VTA1: variants seen among roughly 807,000 people sequenced by gnomAD.
VTA1 encodes vacuolar protein sorting-associated protein VTA1 homolog.
In VTA1, 24 loss-of-function variants were observed where a neutral mutation model predicts 36.9. The observed-to-expected ratio is 0.65, with a 90% CI of 0.47 to 0.91. The LOEUF is 0.91. VTA1 is among the 40% of genes least tolerant of loss of function. The pLI, the probability that VTA1 is intolerant of heterozygous loss-of-function variation, is 0.00. For synonymous variants in VTA1, 142 were observed against 130.2 expected (o/e 1.09, Z -0.62); for missense variants, 393 against 377.2 (o/e 1.04, Z -0.35).
intron 7 of VTA1, among the ~76,000 whole-genome samples, chr6:142,214,652 C>T (rs1378625904): frequency 6.6e-6 from 1 of 152,190 alleles, no homozygotes; most frequent in Admixed American, 6.5e-5. Context: ...TCATGGAATG[C>T]ACAACGTCAA....
intron 7 of VTA1, among the ~76,000 whole-genome samples, chr6:142,214,606 A>C (rs941133934): frequency 6.6e-6 from 1 of 152,222 alleles, no homozygotes; most frequent in African/African-American, 2.4e-5. Context: ...ATCACACTGT[A>C]ACAATAGATA....
At chr6:142,162,102 A>G (rs1445869485) in intron 1 of VTA1, among the ~76,000 whole-genome samples, 3 of 152,220 alleles carry the variant, frequency 2.0e-5, no homozygotes, top group Non-Finnish European at 4.4e-5. Flanking sequence ...ACTATATTAT[A>G]ATTACACTGT....
At chr6:142,208,085 C>CAAAAA (rs567010868) in intron 7 of VTA1, among the ~76,000 whole-genome samples, 1 of 99,486 alleles carries the variant, frequency 1.0e-5, no homozygotes, top group African/African-American at 4.1e-5. Context: ...AGACTTCCAT[C>CAAAAA]AAAAAAAAAA....
intron 7 of VTA1, among the ~76,000 whole-genome samples, chr6:142,204,678 T>A (rs5018302): frequency 3.1e-3 from 30 of 9,712 alleles, no homozygotes; most frequent in South Asian, 0.016. Flanking sequence ...ATTTAAATTT[T>A]AATCCTTTTA....
chr6:142,189,432 A>C lies in VTA1; in HGVS notation c.418A>C (p.Lys140Gln). The C allele has an allele frequency of 6.2e-7, 1 of 1,613,314 alleles. No individual in the cohort carries two copies. Among genetic ancestry groups the C allele is most frequent in the Non-Finnish European group, 8.5e-7 (1 of 1,179,526 alleles). ...TAAAAATGCTCTCTTTTAGAATGTG[A>C]AACACAGGAAGTATGCCAGATGGAA... is the stretch of plus-strand genomic sequence containing the variant. ...VFGELTDENVKHRKYARWKAT... is the reference protein window; with the variant it reads ...VFGELTDENVQHRKYARWKAT... The change falls in exon 5 of 8, where the codon AAA becomes CAA. Residue 140 changes from lysine to glutamine, a missense_variant. Physicochemically the swap from Lys to Gln is moderately conservative, Grantham distance 53. Transcript: ENST00000367630.
chr6:142,151,198 A>G (rs2114626647), intron 1 of VTA1, among the ~76,000 whole-genome samples: 2 of 152,272 alleles, frequency 1.3e-5, no homozygotes, highest in Admixed American at 1.3e-4. Context: ...GAGCAAGATG[A>G]TGTGAGGAAG....
intron 7 of VTA1, among the ~76,000 whole-genome samples, chr6:142,216,662 G>A (rs776504309): frequency 6.6e-6 from 1 of 151,960 alleles, no homozygotes; most frequent in African/African-American, 2.4e-5. Flanking sequence ...TACAGTATTT[G>A]TGTTTTAAAA....
intron 6 of VTA1, among the ~76,000 whole-genome samples, chr6:142,201,461 C>T (rs889762931): frequency 2.6e-5 from 4 of 151,818 alleles, no homozygotes; most frequent in South Asian, 2.1e-4. Context: ...TTTAAACAGG[C>T]GAAGTGTTTG....
rs887403524 is a variant in VTA1, at chr6:142,224,560, T to A, written c.*5917T>A. 1.3e-5 allele frequency: 2 copies of A among 152,198 alleles called. No homozygotes were observed. The highest frequency in any genetic ancestry group is 4.8e-5 in the African/African-American group (2 of 41,452). 9.4% of individuals were successfully genotyped at this position (152,198 alleles called of 1,614,324 possible). A position where few individuals can be genotyped will look rare whatever the true frequency, so the allele number is the denominator to read the frequency against. On this transcript the variant is annotated 3_prime_UTR_variant, in exon 8 of 8. Coordinates refer to ENST00000367630, the MANE Select transcript of VTA1 (RefSeq NM_016485.5). ...GCTAAGTTCCTTGATATTTTATACA[T>A]TTGTGAATTCCTGGTAATTCACATG...
chr6:142,183,282 G>A (rs1241124099), intron 4 of VTA1, among the ~76,000 whole-genome samples: 1 of 152,168 alleles, frequency 6.6e-6, no homozygotes, highest in Non-Finnish European at 1.5e-5. Context: ...ATTAGAGACA[G>A]CTGGTGTAAA....
At chr6:142,189,694 T>C (rs1354104637) in intron 5 of VTA1, among the ~76,000 whole-genome samples, 160 bp downstream of exon 5, 3 of 151,318 alleles carry the variant, frequency 2.0e-5, no homozygotes, top group Admixed American at 2.0e-4. Context: ...CAGTGAGAAA[T>C]AGAAATAAAG....
At chr6:142,188,971 G>C (rs1363157096) in intron 4 of VTA1, among the ~76,000 whole-genome samples, 1 of 152,092 alleles carries the variant, frequency 6.6e-6, no homozygotes, top group Non-Finnish European at 1.5e-5. Flanking sequence ...TATCAGTCTA[G>C]CATTTGCTTT....
At chr6:142,215,440 CA>C (rs11441518) in intron 7 of VTA1, among the ~76,000 whole-genome samples, 8 of 147,132 alleles carry the variant, frequency 5.4e-5, no homozygotes, top group East Asian at 4.0e-4. Flanking sequence ...GACTCCATCT[CA>C]AAAAAAAAAA....
intron 6 of VTA1, among the ~76,000 whole-genome samples, chr6:142,203,498 T>C (rs1006625932): frequency 2.6e-5 from 4 of 152,140 alleles, no homozygotes; most frequent in African/African-American, 9.6e-5. Context: ...AGTTTTGAAA[T>C]GTTCTAACAA....
At chr6:142,216,508 G>T (rs188914777) in intron 7 of VTA1, among the ~76,000 whole-genome samples, 1 of 151,984 alleles carries the variant, frequency 6.6e-6, no homozygotes, top group African/African-American at 2.4e-5. Flanking sequence ...CTGTACATTG[G>T]TTGTTACTTA....
chr6:142,202,826 A>G (rs1775715923), intron 6 of VTA1, among the ~76,000 whole-genome samples: 1 of 151,922 alleles, frequency 6.6e-6, no homozygotes, highest in African/African-American at 2.4e-5. Context: ...TAAAATTTGT[A>G]CTTCACCTTT....
At position 142,178,479 on chromosome 6, in the gene VTA1, C is replaced by T. The variant is rs547618957; in HGVS notation, c.411+8058C>T. 5.3e-5 allele frequency among the ~76,000 whole-genome samples: 8 copies of T among 152,140 alleles called. No homozygotes were observed. The East Asian group carries it at 1.5e-3, about 29-fold the overall frequency. On this transcript the variant is annotated intron_variant, in intron 4 of 7. Transcript: ENST00000367630. ...AACAGCTAAAATGAAGGAAGTTTTT[C>T]AGGCAGAAGGAAAAGGATACCAAGT... is the stretch of plus-strand genomic sequence containing the variant.
At chr6:142,169,723 G>A in intron 3 of VTA1, 46 bp downstream of exon 3, 1 of 1,446,130 alleles carries the variant, frequency 6.9e-7, no homozygotes, top group Non-Finnish European at 9.1e-7. Context: ...TTTTGTAACT[G>A]TATAACCAAA....
chr6:142,212,783 G>A (rs1188180597), intron 7 of VTA1, among the ~76,000 whole-genome samples: 1 of 152,122 alleles, frequency 6.6e-6, no homozygotes, highest in Non-Finnish European at 1.5e-5. Context: ...AGGGAAGGGG[G>A]AAGTGCCACA....
Sources: gnomAD v4.1 joint callset for allele counts (sites outside exome capture counted in the v4.1 genomes callset) on GRCh38, gnomAD v4.1.1 for gene constraint, MANE v1.5 for transcripts, NCBI Gene and HGNC (gene_info 2026-07-23, HGNC 2026-07-21) for gene names.